Variants in BEND2 observed in about 807,000 individuals in gnomAD.
BEND2 encodes the protein BEN domain containing 2, also known as BEN domain-containing protein 2.
In BEND2, 19 loss-of-function variants were observed where a neutral mutation model predicts 43.8. The ratio of observed to expected loss-of-function variants is 0.43; its 90% CI spans 0.30 to 0.64. The LOEUF is 0.64. BEND2 is among the 30% of genes least tolerant of loss of function. The pLI, the probability that BEND2 is intolerant of heterozygous loss-of-function variation, is 0.11. For synonymous variants in BEND2, 226 were observed against 210.1 expected, an observed-to-expected ratio of 1.08 and a Z score of -0.66; for missense variants, 544 against 574.0, an observed-to-expected ratio of 0.95 and a Z score of 0.53.
At chrX:18,218,699 C>A (rs975336889) in intron 1 of BEND2, among the ~76,000 whole-genome samples, 1 of 111,719 alleles carries the variant, frequency 9.0e-6, no homozygotes, top group African/African-American at 3.3e-5. Context: ...CCTGTCTCTA[C>A]CAATACAGAA....
Position 18,164,936 on chromosome X carries a change from G to A in BEND2, c.*73C>T. The A allele has an allele frequency of 9.4e-7, 1 of 1,066,348 alleles. No homozygotes were observed. Among genetic ancestry groups the A allele is most frequent in the Non-Finnish European group, 1.3e-6 (1 of 796,029 alleles). 87.9% of individuals were successfully genotyped at this position (1,066,348 alleles called of 1,213,427 possible). The stretch of plus-strand genomic sequence containing the variant: ...TCTGCCAGTACAGCAGGCTGATTTT[G>A]GAATTAGAACTTGAGAAACTTACAA... On this transcript the variant is annotated 3_prime_UTR_variant, in exon 14 of 14. Transcript: ENST00000380033.
Position 18,168,003 on chromosome X carries a change from C to T in BEND2, c.2186-2780G>A, listed in dbSNP as rs964198505. On this transcript the variant is annotated intron_variant, in intron 13 of 13. Coordinates refer to ENST00000380033, the MANE Select transcript of BEND2 (RefSeq NM_153346.5). ...CAAATCATGAAGGATCAGGGCAACA[C>T]GTATGTGAGGAATTCTGGAGGGAAA... Among the ~76,000 whole-genome samples the T allele has an allele frequency of 7.1e-5, 8 of 112,313 alleles. No individual in the cohort carries two copies. The Admixed American group carries it at 7.5e-4, about 11-fold the overall frequency.
intron 4 of BEND2, among the ~76,000 whole-genome samples, chrX:18,207,934 G>A (rs1213139868): frequency 9.1e-6 from 1 of 109,656 alleles, no homozygotes; most frequent in Non-Finnish European, 1.9e-5. Context: ...CAGGAGAATC[G>A]CTTAAGCCCG....
intron 1 of BEND2, among the ~76,000 whole-genome samples, chrX:18,218,128 A>G (rs1206202994): frequency 9.1e-6 from 1 of 109,670 alleles, no homozygotes; most frequent in African/African-American, 3.3e-5. Context: ...AAAGAACAAG[A>G]AGAAGAAGAA....
intron 8 of BEND2, among the ~76,000 whole-genome samples, chrX:18,186,435 G>A (rs927344786): frequency 2.0e-5 from 2 of 100,449 alleles, no homozygotes; most frequent in African/African-American, 7.5e-5. Flanking sequence ...TCCAGCCTGG[G>A]TGAAAAGAAG....
chrX:18,183,029 G>A (rs1209692602), intron 8 of BEND2, among the ~76,000 whole-genome samples: 4 of 80,179 alleles, frequency 5.0e-5, no homozygotes, highest in Non-Finnish European at 6.9e-5. Flanking sequence ...GTGACAGAGC[G>A]AGACTCTGTC....
At chrX:18,195,478 T>C (rs1924911043) in intron 6 of BEND2, 36 bp from the exon 7 acceptor site, 1 of 1,131,735 alleles carries the variant, frequency 8.8e-7, no homozygotes, top group Middle Eastern at 2.5e-4. Flanking sequence ...AATCATAAAT[T>C]CTACATGAGG....
intron 11 of BEND2, 111 bp from the exon 12 acceptor site, chrX:18,174,369 T>A (rs1021916650): frequency 3.4e-5 from 22 of 639,779 alleles, no homozygotes; most frequent in Middle Eastern, 4.2e-4. Flanking sequence ...ACTGACTCTT[T>A]AAAAGGTGGG....
intron 10 of BEND2, among the ~76,000 whole-genome samples, chrX:18,177,096 A>C (rs1924188677): frequency 9.1e-6 from 1 of 110,181 alleles, no homozygotes; most frequent in African/African-American, 3.3e-5. Flanking sequence ...AGTATCCATG[A>C]GTTCTAGGAT....
At chrX:18,183,687 C>T (rs928349113) in intron 8 of BEND2, among the ~76,000 whole-genome samples, 3 of 111,925 alleles carry the variant, frequency 2.7e-5, no homozygotes, top group Non-Finnish European at 5.6e-5. Flanking sequence ...GGCCTGGCAG[C>T]ATTCACCGTA....
At chrX:18,185,692 G>A (rs1924546667) in intron 8 of BEND2, among the ~76,000 whole-genome samples, 1 of 109,130 alleles carries the variant, frequency 9.2e-6, no homozygotes, top group African/African-American at 3.3e-5. Context: ...ACTCTCAAAG[G>A]GCAAGGATTA....
At chrX:18,173,885 T>C (rs1213227442) in intron 12 of BEND2, 145 bp downstream of exon 12, 1 of 509,842 alleles carries the variant, frequency 2.0e-6, no homozygotes, top group East Asian at 3.7e-5. Context: ...TAAAAGACAT[T>C]AAATTATTTC....
chrX:18,173,925 T>C (rs1248400079), intron 12 of BEND2, 105 bp downstream of exon 12: 1 of 696,407 alleles, frequency 1.4e-6, no homozygotes, highest in African/African-American at 2.2e-5. Context: ...CAAACACACA[T>C]AAAAGTAGAG....
At chrX:18,178,535 A>T (rs1403340399) in intron 9 of BEND2, among the ~76,000 whole-genome samples, 1 of 111,967 alleles carries the variant, frequency 8.9e-6, no homozygotes, top group Non-Finnish European at 1.9e-5. Context: ...CAAAATTGAA[A>T]TCATACTTTA....
At chrX:18,180,793 C>CT (rs752843817) in intron 8 of BEND2, 143 bp from the exon 9 acceptor site, 11,656 of 367,676 alleles carry the variant, frequency 0.032, 75 homozygotes, top group Non-Finnish European at 0.036. Flanking sequence ...TTCTTTCTTT[C>CT]TTTTTTTTTT....
chrX:18,219,687 C>G (rs900138242), intron 1 of BEND2, among the ~76,000 whole-genome samples: 1 of 112,027 alleles, frequency 8.9e-6, no homozygotes, highest in Non-Finnish European at 1.9e-5. Flanking sequence ...GGGAGCATTG[C>G]CTGAGCCCAG....
intron 4 of BEND2, among the ~76,000 whole-genome samples, chrX:18,205,077 G>A (rs1390125258): frequency 2.7e-5 from 3 of 110,570 alleles, no homozygotes; most frequent in African/African-American, 6.6e-5. Flanking sequence ...CATCCCCTAC[G>A]TGCCAATCAA....
rs993780381 is a variant in BEND2 at position 18,174,226 on chromosome X, G to T, written c.1785C>A (p.Asn595Lys). 26 of 1,209,443 alleles carry T rather than the reference G, an allele frequency of 2.1e-5. No homozygotes were observed. In the African/African-American group the frequency reaches 3.3e-4, roughly 15 times the overall value. Reference sequence around the variant, plus strand: ...TATCTGCAGATGCCGATGCAACACGGTTGGTACGTTTTTTATTTTTGCGAA... The same window carrying T: ...TATCTGCAGATGCCGATGCAACACGTTTGGTACGTTTTTTATTTTTGCGAA... Reference protein sequence around the residue: ...KTVRKNKKRTNRVASASADRN... With the variant: ...KTVRKNKKRTKRVASASADRN... The change falls in exon 12 of 14, where the codon AAC (asparagine) becomes AAA (lysine). Residue 595 changes from asparagine (N) to lysine (K), a missense_variant. Physicochemically the swap from Asn to Lys is moderately conservative, Grantham distance 94. Transcript: ENST00000380033.
chrX:18,194,459 T>C (rs1258364961), intron 7 of BEND2, among the ~76,000 whole-genome samples: 1 of 110,382 alleles, frequency 9.1e-6, no homozygotes, highest in Non-Finnish European at 1.9e-5. Context: ...AAGGAACTAT[T>C]CATCAATAGA....
Sources: gnomAD v4.1 joint callset for allele counts (sites outside exome capture counted in the v4.1 genomes callset) on GRCh38, gnomAD v4.1.1 for gene constraint, MANE v1.5 for transcripts, NCBI Gene and HGNC (gene_info 2026-07-23, HGNC 2026-07-21) for gene names.